LSAMP: variants seen among roughly 807,000 people sequenced by gnomAD.
LSAMP encodes the protein limbic system-associated membrane protein.
LSAMP carries 7 observed loss-of-function variants against 38.6 expected under a neutral mutation model. The ratio of observed to expected loss-of-function variants is 0.18; its 90% CI spans 0.10 to 0.34. The LOEUF is 0.34. Ranked by LOEUF, LSAMP falls within the 10% of genes least tolerant of loss-of-function variation. The probability of loss-of-function intolerance (pLI) is 1.00; values close to 1 mark genes in which losing one functional copy is unlikely to be tolerated. For synonymous variants in LSAMP, 154 were observed against 166.8 expected, an observed-to-expected ratio of 0.92 and a Z score of 0.59; for missense variants, 313 against 420.0, an observed-to-expected ratio of 0.75 and a Z score of 2.23.
intron 3 of LSAMP, among the ~76,000 whole-genome samples, chr3:115,895,703 A>G (rs1040236381): frequency 2.6e-5 from 4 of 152,130 alleles, no homozygotes; most frequent in Admixed American, 2.6e-4. Context: ...CTTTCATTGT[A>G]TTTATTCCTG....
At chr3:116,404,084 C>T (rs1275561218) in intron 1 of LSAMP, among the ~76,000 whole-genome samples, 1 of 151,836 alleles carries the variant, frequency 6.6e-6, no homozygotes, top group Non-Finnish European at 1.5e-5. Flanking sequence ...AGTATTTTTC[C>T]CCTAAAGTTT....
intron 1 of LSAMP, among the ~76,000 whole-genome samples, chr3:116,288,499 G>A (rs569254887): frequency 6.6e-6 from 1 of 152,232 alleles, no homozygotes; most frequent in South Asian, 2.1e-4. Flanking sequence ...TCTTCACTGG[G>A]GACCCATAGA....
chr3:115,852,939 C>T (rs1375378338), intron 3 of LSAMP, among the ~76,000 whole-genome samples: 1 of 152,128 alleles, frequency 6.6e-6, no homozygotes, highest in Non-Finnish European at 1.5e-5. Context: ...GGCCTGAGGA[C>T]AGCTCATGTC....
Position 116,404,573 on chromosome 3 carries a change from G to A in LSAMP, c.155+40304C>T, listed in dbSNP as rs80213218. Among the ~76,000 whole-genome samples, 96 of 152,144 alleles carry A rather than the reference G, an allele frequency of 6.3e-4. No homozygotes were observed. In the East Asian group the frequency reaches 0.011, roughly 17 times the overall value. ...ATGGGTGAATAAATGTAAATAAGTC[G>A]TAAAGTCAAAGGAAGACAGCCTGTC... On this transcript the variant is annotated intron_variant, in intron 1 of 6. Coordinates refer to ENST00000490035, the MANE Select transcript of LSAMP (RefSeq NM_002338.5).
At chr3:116,046,824 A>G (rs928246177) in intron 2 of LSAMP, among the ~76,000 whole-genome samples, 2 of 152,204 alleles carry the variant, frequency 1.3e-5, no homozygotes, top group African/African-American at 2.4e-5. Flanking sequence ...CATGAAATGA[A>G]GATAATCATT....
chr3:115,967,532 C>G (rs1444030050), intron 3 of LSAMP, among the ~76,000 whole-genome samples: 2 of 152,174 alleles, frequency 1.3e-5, no homozygotes, highest in African/African-American at 2.4e-5. Flanking sequence ...TTCCATTTAT[C>G]TTTTCAGCAG....
At chr3:116,057,957 C>CACACA (rs1553699978) in intron 2 of LSAMP, among the ~76,000 whole-genome samples, 6 of 117,564 alleles carry the variant, frequency 5.1e-5, no homozygotes, top group South Asian at 2.9e-4. Context: ...ACACACACAC[C>CACACA]CACACACACA....
At chr3:116,108,782 GCT>G (rs1708529277) in intron 1 of LSAMP, among the ~76,000 whole-genome samples, 1 of 152,218 alleles carries the variant, frequency 6.6e-6, no homozygotes. Flanking sequence ...CTTGTAGCAA[GCT>G]CCTGGGGGAG....
At chr3:116,222,746 TTTTTTTTTTTG>T (rs2046302711) in intron 1 of LSAMP, among the ~76,000 whole-genome samples, 2 of 69,684 alleles carry the variant, frequency 2.9e-5, no homozygotes, top group East Asian at 7.0e-4. Flanking sequence ...TTTTTTTTTT[TTTTTTTTTTTG>T]AGATGGAGTC....
chr3:116,163,473 C>T (rs1709951822), intron 1 of LSAMP, among the ~76,000 whole-genome samples: 2 of 151,394 alleles, frequency 1.3e-5, no homozygotes, highest in African/African-American at 4.9e-5. Flanking sequence ...TCCAGTCTAT[C>T]ATTGTTGGAC....
intron 3 of LSAMP, among the ~76,000 whole-genome samples, chr3:115,953,861 C>T (rs1410939132): frequency 6.6e-6 from 1 of 152,082 alleles, no homozygotes; most frequent in Non-Finnish European, 1.5e-5. Flanking sequence ...AGTCTTGATC[C>T]CTGTGCCTGG....
chr3:115,997,232 G>A lies in LSAMP; in HGVS notation c.514+22283C>T, dbSNP rs186668402. Among the ~76,000 whole-genome samples, 101 of 152,180 alleles carry A rather than the reference G, an allele frequency of 6.6e-4. 1 individual carries two copies. Among genetic ancestry groups the A allele is most frequent in the African/African-American group, 2.4e-3 (99 of 41,526 alleles). On this transcript the variant is annotated intron_variant, in intron 3 of 6. Coordinates refer to ENST00000490035, the MANE Select transcript of LSAMP (RefSeq NM_002338.5). ...TAAGTAATTCAACATATATCTGTGA[G>A]CAGTAAATATGCCCTGGTCACCCTT...
intron 3 of LSAMP, among the ~76,000 whole-genome samples, chr3:115,957,544 C>T (rs929255268): frequency 6.6e-6 from 1 of 152,134 alleles, no homozygotes; most frequent in African/African-American, 2.4e-5. Context: ...ATTAGGACAA[C>T]AGCTAATTCA....
At chr3:116,301,435 C>CACTT (rs1471794009) in intron 1 of LSAMP, among the ~76,000 whole-genome samples, 4 of 152,152 alleles carry the variant, frequency 2.6e-5, no homozygotes, top group African/African-American at 9.7e-5. Context: ...AGACTTAGAA[C>CACTT]ACTTATAATC....
chr3:116,223,540 C>A (rs1389743213), intron 1 of LSAMP, among the ~76,000 whole-genome samples: 1 of 152,086 alleles, frequency 6.6e-6, no homozygotes, highest in Non-Finnish European at 1.5e-5. Context: ...TTGAGACTAT[C>A]ATTTTAAGTA....
chr3:116,087,556 C>T (rs1196678869), intron 1 of LSAMP, among the ~76,000 whole-genome samples: 1 of 152,190 alleles, frequency 6.6e-6, no homozygotes, highest in Non-Finnish European at 1.5e-5. Flanking sequence ...GTCCCAAACC[C>T]TGTTCACAGC....
At chr3:115,960,866 C>T (rs1938603316) in intron 3 of LSAMP, among the ~76,000 whole-genome samples, 1 of 152,038 alleles carries the variant, frequency 6.6e-6, no homozygotes, top group African/African-American at 2.4e-5. Flanking sequence ...TTTAAAAATC[C>T]AGCACAGTCA....
chr3:115,881,066 A>AAATAAATAAATAAAT (rs1324292067), intron 3 of LSAMP, among the ~76,000 whole-genome samples: 7 of 151,934 alleles, frequency 4.6e-5, no homozygotes, highest in African/African-American at 1.4e-4. Flanking sequence ...ATAAATAAAT[A>AAATAAATAAATAAAT]AATAAAATAC....
intron 1 of LSAMP, among the ~76,000 whole-genome samples, chr3:116,163,125 G>C (rs1576402954): frequency 6.6e-6 from 1 of 151,516 alleles, no homozygotes; most frequent in East Asian, 2.0e-4. Context: ...TGCACAACGT[G>C]CAGGTTTGTT....
Sources: allele counts gnomAD v4.1 joint callset (sites outside exome capture counted in the v4.1 genomes callset), GRCh38; gene constraint gnomAD v4.1.1; transcripts MANE v1.5; gene names NCBI Gene and HGNC (gene_info 2026-07-23, HGNC 2026-07-21).